The following SNTG2 variants were observed in gnomAD, a reference collection of about 807,000 sequenced individuals.
The protein encoded by SNTG2 is gamma-2-syntrophin.
A neutral mutation model predicts 70.9 loss-of-function variants in SNTG2; 74 were observed. The ratio of observed to expected loss-of-function variants is 1.04; its 90% CI spans 0.86 to 1.27. SNTG2 has a LOEUF of 1.27. Among genes scored for constraint, SNTG2 ranks in the 50% most tolerant of loss-of-function variants. The pLI is 0.00. For synonymous variants in SNTG2, 278 were observed against 273.8 expected, an observed-to-expected ratio of 1.02 and a Z score of -0.15; for missense variants, 717 against 690.7, an observed-to-expected ratio of 1.04 and a Z score of -0.43.
chr2:1,135,550 T>A (rs534539960), intron 4 of SNTG2, among the ~76,000 whole-genome samples: 7 of 152,230 alleles, frequency 4.6e-5, no homozygotes, highest in African/African-American at 1.4e-4. Flanking sequence ...CAAAACCACG[T>A]CTCTACTAAA....
intron 1 of SNTG2, among the ~76,000 whole-genome samples, chr2:1,072,334 TTTCTTTTTCTTTTTC>T: frequency 1.6e-5 from 2 of 125,718 alleles, no homozygotes; most frequent in African/African-American, 5.8e-5. Flanking sequence ...TTCTTTTTCT[TTTCTTTTTCTTTTTC>T]TTTTTTTTTT....
intron 9 of SNTG2, chr2:1,210,385 CAGAT>C (rs1289387429): frequency 4.6e-5 from 7 of 152,012 alleles, no homozygotes; most frequent in African/African-American, 1.7e-4. Flanking sequence ...GACAGACAGA[CAGAT>C]AGATAATATT....
chr2:993,902 T>C (rs901627565), intron 1 of SNTG2, among the ~76,000 whole-genome samples: 2 of 152,176 alleles, frequency 1.3e-5, no homozygotes, highest in African/African-American at 4.8e-5. Context: ...TGGATACATG[T>C]AGATATAGGA....
At chr2:1,216,825 T>A (rs948623693) in intron 9 of SNTG2, among the ~76,000 whole-genome samples, 2 of 152,154 alleles carry the variant, frequency 1.3e-5, no homozygotes, top group African/African-American at 4.8e-5. Flanking sequence ...TGGGAGATGA[T>A]TGGATCATGG....
intron 9 of SNTG2, among the ~76,000 whole-genome samples, chr2:1,220,828 G>A (rs114438603): frequency 1.3e-3 from 199 of 152,312 alleles, no homozygotes; most frequent in Non-Finnish European, 2.3e-3. Context: ...GTTCTGGTGG[G>A]GGTGTCTTCC....
chr2:1,104,474 CA>C (rs1241177244), intron 4 of SNTG2, among the ~76,000 whole-genome samples: 1 of 152,152 alleles, frequency 6.6e-6, no homozygotes, highest in Non-Finnish European at 1.5e-5. Context: ...CACTTTGTAT[CA>C]AGCTTTCTTT....
intron 8 of SNTG2, among the ~76,000 whole-genome samples, chr2:1,190,873 A>T (rs1672552348): frequency 6.6e-6 from 1 of 152,180 alleles, no homozygotes; most frequent in Admixed American, 6.5e-5. Context: ...GAGGAAGCAG[A>T]TATAAATTAG....
intron 16 of SNTG2, among the ~76,000 whole-genome samples, chr2:1,330,738 C>T (rs1208891661): frequency 6.6e-6 from 1 of 152,100 alleles, no homozygotes; most frequent in Admixed American, 6.6e-5. Context: ...TTAGGGTCAC[C>T]TTGAGTCACA....
intron 15 of SNTG2, among the ~76,000 whole-genome samples, chr2:1,315,695 A>G (rs1425494875): frequency 2.0e-5 from 3 of 152,206 alleles, no homozygotes; most frequent in Non-Finnish European, 2.9e-5. Flanking sequence ...GTAGTATTAA[A>G]AGGCGATATT....
chr2:1,216,381 C>T (rs905398963), intron 9 of SNTG2, among the ~76,000 whole-genome samples: 46 of 152,234 alleles, frequency 3.0e-4, no homozygotes, highest in East Asian at 3.9e-4. Context: ...TCATGTCCTT[C>T]GCTCACTTTT....
At chr2:1,137,039 C>T (rs1206815084) in intron 4 of SNTG2, among the ~76,000 whole-genome samples, 3 of 152,204 alleles carry the variant, frequency 2.0e-5, no homozygotes, top group Non-Finnish European at 4.4e-5. Context: ...AAGTGACATT[C>T]GTTTTCCACA....
chr2:1,366,698 C>T (rs1661507451), intron 16 of SNTG2, among the ~76,000 whole-genome samples: 1 of 152,084 alleles, frequency 6.6e-6, no homozygotes. Flanking sequence ...GCCTATTCTG[C>T]GCCACACAGC....
chr2:1,019,721 G>A (rs2148008390), intron 1 of SNTG2, among the ~76,000 whole-genome samples: 1 of 152,300 alleles, frequency 6.6e-6, no homozygotes, highest in South Asian at 2.1e-4. Flanking sequence ...ACAGTGCTAA[G>A]GAGGCTCATG....
intron 16 of SNTG2, among the ~76,000 whole-genome samples, chr2:1,366,421 T>C (rs1280393295): frequency 6.6e-6 from 1 of 152,188 alleles, no homozygotes; most frequent in African/African-American, 2.4e-5. Context: ...TCTGTTGATT[T>C]GACACAGGGA....
chr2:1,274,067 G>A (rs934224760), intron 14 of SNTG2, among the ~76,000 whole-genome samples: 8 of 152,154 alleles, frequency 5.3e-5, no homozygotes, highest in Admixed American at 2.0e-4. Context: ...TAGCATGTAG[G>A]GAAGTGCAAA....
chr2:1,223,941 A>T (rs886676865), intron 9 of SNTG2, among the ~76,000 whole-genome samples: 1 of 151,764 alleles, frequency 6.6e-6, no homozygotes, highest in South Asian at 2.1e-4. Flanking sequence ...CCAATTCCAC[A>T]GATGGGTGGC....
At chr2:1,032,174 C>T (rs558978439) in intron 1 of SNTG2, among the ~76,000 whole-genome samples, 26 of 152,242 alleles carry the variant, frequency 1.7e-4, no homozygotes, top group African/African-American at 4.8e-4. Context: ...AATGGAACAA[C>T]GCTGCAGCGG....
At chr2:1,032,468 A>T (rs1660894916) in intron 1 of SNTG2, among the ~76,000 whole-genome samples, 1 of 152,126 alleles carries the variant, frequency 6.6e-6, no homozygotes, top group African/African-American at 2.4e-5. Context: ...ATAAACAGGT[A>T]TAGGCAAGGG....
intron 6 of SNTG2, chr2:1,159,200 A>C: frequency 6.9e-6 from 1 of 144,568 alleles, no homozygotes; most frequent in African/African-American, 2.6e-5. Context: ...TGAATGTATG[A>C]GTGCATGAGT....
Sources: allele counts gnomAD v4.1 joint callset (sites outside exome capture counted in the v4.1 genomes callset), GRCh38; gene constraint gnomAD v4.1.1; transcripts MANE v1.5; gene names NCBI Gene and HGNC (gene_info 2026-07-23, HGNC 2026-07-21).